CHD2: variants seen among roughly 807,000 people sequenced by gnomAD.
CHD2 encodes ATP-dependent chromatin remodeler CHD2.
In CHD2, 28 loss-of-function variants were observed where a neutral mutation model predicts 243.9. That is an observed-to-expected ratio of 0.11 (90% CI 0.09 to 0.16). CHD2 has a LOEUF of 0.16. Ranked by LOEUF, CHD2 falls within the 10% of genes least tolerant of loss-of-function variation. The pLI, the probability that CHD2 is intolerant of heterozygous loss-of-function variation, is 1.00. For synonymous variants in CHD2, 775 were observed against 779.0 expected (o/e 0.99, Z 0.09); for missense variants, 1,386 against 2,209.8 (o/e 0.63, Z 7.47).
At chr15:92,907,389 T>G (rs556264579) in intron 2 of CHD2, among the ~76,000 whole-genome samples, 2 of 152,282 alleles carry the variant, frequency 1.3e-5, no homozygotes, top group African/African-American at 4.8e-5. Flanking sequence ...TCCCTGTAGT[T>G]TGGGGAAAAT....
At chr15:93,011,463 T>C (rs1055325700) in intron 35 of CHD2, among the ~76,000 whole-genome samples, 1 of 152,098 alleles carries the variant, frequency 6.6e-6, no homozygotes, top group East Asian at 1.9e-4. Flanking sequence ...CTGGGTGGTG[T>C]TCAGGATTTA....
intron 24 of CHD2, among the ~76,000 whole-genome samples, chr15:92,983,620 ACTC>A (rs1342869243): frequency 6.6e-6 from 1 of 151,412 alleles, no homozygotes; most frequent in Non-Finnish European, 1.5e-5. Flanking sequence ...GTTTCTGTGT[ACTC>A]CTCCTCTGGT....
intron 2 of CHD2, among the ~76,000 whole-genome samples, chr15:92,917,550 G>T (rs2052864632): frequency 6.6e-6 from 1 of 152,158 alleles, no homozygotes; most frequent in Admixed American, 6.5e-5. Flanking sequence ...TACAGAGCGC[G>T]ACTTGGTCTC....
intron 27 of CHD2, 146 bp from the exon 28 acceptor site, chr15:92,992,713 T>A (rs1363153405): frequency 1.0e-5 from 9 of 865,806 alleles, no homozygotes; most frequent in African/African-American, 1.7e-5. Flanking sequence ...CAGGGGTTCT[T>A]GTTGGAGCCT....
At chr15:92,985,768 G>A in intron 26 of CHD2, 95 bp downstream of exon 26, 1 of 1,309,308 alleles carries the variant, frequency 7.6e-7, no homozygotes, top group Admixed American at 2.1e-5. Context: ...AGGGTAGGCA[G>A]AGGCTAATAC....
Position 92,992,964 on chromosome 15 carries a change from A to G in CHD2, c.3561A>G (p.Glu1187=), listed in dbSNP as rs1377233273. The G allele has an allele frequency of 6.2e-7, 1 of 1,614,080 alleles. No homozygotes were observed. Among genetic ancestry groups the G allele is most frequent in the Admixed American group, 1.7e-5 (1 of 60,026 alleles). The part of the protein sequence containing the change: ...IHNSCVSAMQ[E]YEEQLKENAS... ...ACAGCTGTGTGTCAGCAATGCAGGA[A>G]TACGAAGAGCAGCTGAAAGAAAATG... The change falls in exon 28 of 39, where the codon GAA becomes GAG. Residue 1187 remains glutamate (E), a synonymous_variant. Coordinates refer to ENST00000394196, the MANE Select transcript of CHD2 (RefSeq NM_001271.4).
chr15:92,971,521 T>C (rs1294035134), intron 17 of CHD2, among the ~76,000 whole-genome samples: 12 of 152,216 alleles, frequency 7.9e-5, no homozygotes, highest in Non-Finnish European at 1.6e-4. Context: ...TTTCTTCTAG[T>C]ATTCCTGTGT....
intron 2 of CHD2, among the ~76,000 whole-genome samples, chr15:92,923,568 T>G (rs970028229): frequency 2.7e-5 from 4 of 149,392 alleles, no homozygotes; most frequent in African/African-American, 7.5e-5. Flanking sequence ...CTTGTTTTTT[T>G]TTTTTTTTTT....
At position 93,009,288 on chromosome 15, in the gene CHD2, C is replaced by G. The variant is rs138253997; in HGVS notation, c.4557C>G (p.Ala1519=). The change falls in exon 35 of 39, where the codon GCC becomes GCG. Residue 1519 remains alanine (A), a synonymous_variant. Transcript: ENST00000394196. ...ACCGGATAGCCGAGTGCCTTAAAGC[C>G]TACTCAGATCAGGAGCACATCAAAC... ...IGDRIAECLK[A]YSDQEHIKLW... is the part of the protein sequence containing the mutation. The G allele has an allele frequency of 1.2e-6, 2 of 1,614,218 alleles. No homozygotes were observed. The highest frequency in any genetic ancestry group is 1.7e-6 in the Non-Finnish European group (2 of 1,180,024).
chr15:92,972,190 A>G, intron 18 of CHD2, 75 bp from the exon 19 acceptor site: 1 of 1,463,126 alleles, frequency 6.8e-7, no homozygotes, highest in Non-Finnish European at 9.3e-7. Context: ...TTTTTAAAAT[A>G]TGGATTTGTA....
chr15:92,981,185 A>G (rs2053975630), intron 23 of CHD2, among the ~76,000 whole-genome samples, 180 bp from the exon 24 acceptor site: 1 of 152,188 alleles, frequency 6.6e-6, no homozygotes, highest in Non-Finnish European at 1.5e-5. Context: ...TGTATAAATT[A>G]TAGTTTGAGA....
chr15:92,955,441 A>C lies in CHD2; in HGVS notation c.1738A>C (p.Ile580Leu), dbSNP rs2053606733. Residue 580 changes from isoleucine to leucine, a missense_variant, in exon 15 of 39, where the codon ATT becomes CTT. Transcript: ENST00000394196. ...SRNTIREYEW[I>L]HSQTKRLKFN... ...CTTATAGATACGGGAATATGAATGG[A>C]TTCATTCCCAAACCAAAAGATTGAA... 2 of 1,594,188 alleles carry C rather than the reference A, an allele frequency of 1.3e-6. No homozygotes were observed. Among genetic ancestry groups the C allele is most frequent in the South Asian group, 2.3e-5 (2 of 87,216 alleles).
At chr15:92,979,048 G>T in intron 21 of CHD2, 87 bp from the exon 22 acceptor site, 2 of 1,525,396 alleles carry the variant, frequency 1.3e-6, no homozygotes, top group South Asian at 1.3e-5. Context: ...TCCCCTCTTG[G>T]GTTTTGACAG....
intron 36 of CHD2, among the ~76,000 whole-genome samples, chr15:93,013,518 T>G (rs1052799406): frequency 4.6e-5 from 7 of 152,202 alleles, no homozygotes; most frequent in African/African-American, 1.7e-4. Context: ...GGAGGAGAAT[T>G]CAGCAAGATT....
chr15:92,914,118 AAAGAC>A (rs1490210436), intron 2 of CHD2, among the ~76,000 whole-genome samples: 3 of 152,234 alleles, frequency 2.0e-5, no homozygotes, highest in Non-Finnish European at 4.4e-5. Flanking sequence ...ATAGCTAACT[AAAGAC>A]AAGACTCACA....
At chr15:92,901,897 A>G in intron 2 of CHD2, 1 of 321,132 alleles carries the variant, frequency 3.1e-6, no homozygotes, top group Non-Finnish European at 5.6e-6. Flanking sequence ...ACATTTTAGG[A>G]AATTTTGATG....
At chr15:93,009,495 T>A in intron 35 of CHD2, 172 bp downstream of exon 35, 1 of 597,502 alleles carries the variant, frequency 1.7e-6, no homozygotes. Flanking sequence ...AATAGGCCAT[T>A]CCACTGAGAC....
At chr15:92,971,338 A>G (rs1011497000) in intron 17 of CHD2, among the ~76,000 whole-genome samples, 4 of 152,206 alleles carry the variant, frequency 2.6e-5, no homozygotes, top group East Asian at 3.9e-4. Flanking sequence ...TTTGAGTGCC[A>G]TTTTGGAACA....
chr15:92,986,823 C>A (rs1258352628), intron 26 of CHD2, among the ~76,000 whole-genome samples: 4 of 152,138 alleles, frequency 2.6e-5, no homozygotes, highest in Non-Finnish European at 4.4e-5. Flanking sequence ...TCAAGTGATC[C>A]TCCTGCCTGA....
Sources: gnomAD v4.1 joint callset for allele counts (sites outside exome capture counted in the v4.1 genomes callset) on GRCh38, gnomAD v4.1.1 for gene constraint, MANE v1.5 for transcripts, NCBI Gene and HGNC (gene_info 2026-07-23, HGNC 2026-07-21) for gene names.